The following TMEM114 variants were observed in gnomAD, a reference collection of about 807,000 sequenced individuals.
TMEM114 encodes the protein transmembrane protein 114.
TMEM114 carries 6 observed loss-of-function variants against 6.2 expected under a neutral mutation model. The ratio of observed to expected loss-of-function variants is 0.97; its 90% confidence interval spans 0.53 to 1.91. The LOEUF is 1.91. Among genes scored for constraint, TMEM114 ranks in the 40% most tolerant of loss-of-function variants. TMEM114 has a pLI of 0.01. For missense variants in TMEM114, 218 were observed against 158.3 expected, an observed-to-expected ratio of 1.38 and a Z score of -2.02; for synonymous variants, 104 against 73.0, an observed-to-expected ratio of 1.42 and a Z score of -2.16.
At chr16:8,577,234 G>A (rs1371254604) in intron 2 of TMEM114, among the ~76,000 whole-genome samples, 1 of 152,168 alleles carries the variant, frequency 6.6e-6, no homozygotes, top group Non-Finnish European at 1.5e-5. Flanking sequence ...AGATCTAATT[G>A]GCCCTTTCCT....
downstream of TMEM114, among the ~76,000 whole-genome samples, chr16:8,565,660 C>T (rs978710952): frequency 3.3e-5 from 5 of 152,192 alleles, no homozygotes; most frequent in Admixed American, 1.3e-4. Context: ...GAGGCCCCTC[C>T]CTGTACTTCC....
intron 2 of TMEM114, among the ~76,000 whole-genome samples, chr16:8,552,198 G>T (rs111438132): frequency 6.7e-6 from 1 of 149,620 alleles, no homozygotes; most frequent in East Asian, 2.0e-4. Context: ...AACACAGCAA[G>T]ACCCTATCTC....
intron 2 of TMEM114, among the ~76,000 whole-genome samples, chr16:8,578,865 G>A (rs1415290093): frequency 6.6e-6 from 1 of 152,164 alleles, no homozygotes; most frequent in Non-Finnish European, 1.5e-5. Flanking sequence ...TCTAATCCCT[G>A]CTACTTGGGA....
At chr16:8,555,226 A>G (rs9927580) in intron 2 of TMEM114, among the ~76,000 whole-genome samples, 65,728 of 152,048 alleles carry the variant, frequency 0.43, 14,489 homozygotes, top group East Asian at 0.52. Context: ...ATGCAGGGTA[A>G]GTTCTTGGCT....
intron 2 of TMEM114, among the ~76,000 whole-genome samples, chr16:8,561,780 A>T (rs4786264): frequency 6.6e-6 from 1 of 151,086 alleles, no homozygotes; most frequent in Non-Finnish European, 1.5e-5. Flanking sequence ...TGAGGTAATG[A>T]GTGAATCAGT....
rs546558659 is a variant in TMEM114, at chr16:8,584,270, A to C, written c.301+4943T>G. ...AGCCAGTAAGATTTGAGTTTCTGTC[A>C]CTTGCCACCAAAAAGTTCCTGGCTG... On this transcript the variant is annotated intron_variant, in intron 2 of 3. Coordinates refer to ENST00000620492, the MANE Select transcript of TMEM114 (RefSeq NM_001146336.2). Among the ~76,000 whole-genome samples the C allele has an allele frequency of 2.0e-5, 3 of 152,288 alleles. 1 individual carries two copies. Among genetic ancestry groups the C allele is most frequent in the East Asian group, 3.9e-4 (2 of 5,186 alleles).
downstream of TMEM114, among the ~76,000 whole-genome samples, chr16:8,564,508 A>ATGAGTGAGTAG (rs1901450769): frequency 7.4e-6 from 1 of 135,434 alleles, no homozygotes; most frequent in Non-Finnish European, 1.6e-5. Flanking sequence ...TGAGTGAGTA[A>ATGAGTGAGTAG]ATGAGTGAGT....
intron 2 of TMEM114, among the ~76,000 whole-genome samples, chr16:8,545,171 C>T (rs112631275): frequency 0.077 from 11,774 of 152,240 alleles, 547 homozygotes; most frequent in Middle Eastern, 0.17. Context: ...GGCTCAATGG[C>T]TCACACCTGT....
intron 2 of TMEM114, among the ~76,000 whole-genome samples, chr16:8,581,590 A>G (rs1902151574): frequency 6.6e-6 from 1 of 152,162 alleles, no homozygotes; most frequent in Non-Finnish European, 1.5e-5. Flanking sequence ...AGTAGCTGGG[A>G]CTACAGGCGC....
downstream of TMEM114, among the ~76,000 whole-genome samples, chr16:8,532,680 T>G (rs907388877): frequency 6.6e-6 from 1 of 152,126 alleles, no homozygotes; most frequent in Non-Finnish European, 1.5e-5. Flanking sequence ...ATCCCAGCAC[T>G]TTGGGAGGCC....
At chr16:8,546,446 C>G (rs1596468727) in intron 2 of TMEM114, among the ~76,000 whole-genome samples, 1 of 152,116 alleles carries the variant, frequency 6.6e-6, no homozygotes, top group African/African-American at 2.4e-5. Flanking sequence ...GAACCCTGAC[C>G]CAAAAATCTG....
chr16:8,548,840 T>C (rs1318881818), intron 2 of TMEM114, among the ~76,000 whole-genome samples: 1 of 152,108 alleles, frequency 6.6e-6, no homozygotes, highest in African/African-American at 2.4e-5. Flanking sequence ...CATCTTCCAA[T>C]TTAATAAAGG....
downstream of TMEM114, among the ~76,000 whole-genome samples, chr16:8,535,269 G>A (rs1389536457): frequency 6.6e-6 from 1 of 152,156 alleles, no homozygotes; most frequent in Non-Finnish European, 1.5e-5. Flanking sequence ...GGTGTTGATG[G>A]TTATTGTTTA....
the TMEM114 span, among the ~76,000 whole-genome samples, chr16:8,526,927 G>A: frequency 6.6e-6 from 1 of 152,164 alleles, no homozygotes; most frequent in Non-Finnish European, 1.5e-5. Context: ...TGCTGAGTAG[G>A]TGGGGCACGG....
downstream of TMEM114, among the ~76,000 whole-genome samples, chr16:8,566,820 C>A (rs1177817922): frequency 6.6e-6 from 1 of 152,106 alleles, no homozygotes; most frequent in Non-Finnish European, 1.5e-5. Flanking sequence ...CACAATGTCA[C>A]CTCCTCCAAG....
chr16:8,571,636 C>T (rs1901736150), intron 3 of TMEM114, among the ~76,000 whole-genome samples: 1 of 141,872 alleles, frequency 7.0e-6, no homozygotes, highest in Non-Finnish European at 1.5e-5. Context: ...GTGAATTTGA[C>T]TCTTCTAGAT....
chr16:8,550,344 A>G (rs866225006), intron 2 of TMEM114, among the ~76,000 whole-genome samples: 2 of 152,148 alleles, frequency 1.3e-5, no homozygotes, highest in Admixed American at 6.5e-5. Context: ...ATTAACCATC[A>G]CAGTACCCTA....
chr16:8,561,446 G>A (rs1244746344), intron 2 of TMEM114, among the ~76,000 whole-genome samples: 4 of 152,066 alleles, frequency 2.6e-5, no homozygotes, highest in African/African-American at 9.7e-5. Context: ...TGTCATACCC[G>A]TGCACTCATA....
chr16:8,570,687 G>T (rs1452871330), intron 3 of TMEM114, among the ~76,000 whole-genome samples: 1 of 152,146 alleles, frequency 6.6e-6, no homozygotes, highest in Non-Finnish European at 1.5e-5. Context: ...ACATGCTCCT[G>T]TTGGTTTTGC....
Sources: allele counts gnomAD v4.1 joint callset (sites outside exome capture counted in the v4.1 genomes callset), GRCh38; gene constraint gnomAD v4.1.1; transcripts MANE v1.5; gene names NCBI Gene and HGNC (gene_info 2026-07-23, HGNC 2026-07-21).